TXNRD3: variants seen among roughly 807,000 people sequenced by gnomAD.
The protein encoded by TXNRD3 is thioredoxin reductase 3.
Under a neutral mutation model 78.2 loss-of-function variants are expected in TXNRD3, and 68 were observed. That is an observed-to-expected ratio of 0.87 (90% confidence interval 0.72 to 1.06). The LOEUF is 1.06. Ranked by LOEUF, TXNRD3 falls within the 50% of genes least tolerant of loss-of-function variation. The probability of loss-of-function intolerance (pLI) is 0.00; values close to 1 mark genes in which losing one functional copy is unlikely to be tolerated. For synonymous variants in TXNRD3, 296 were observed against 300.1 expected, an observed-to-expected ratio of 0.99 and a Z score of 0.14; for missense variants, 751 against 809.5, an observed-to-expected ratio of 0.93 and a Z score of 0.88.
At position 126,607,847 on chromosome 3, in the gene TXNRD3, G is replaced by T; in HGVS notation, c.*58C>A. The T allele has an allele frequency of 7.2e-7, 1 of 1,383,992 alleles. No homozygotes were observed. Among genetic ancestry groups the T allele is most frequent in the Non-Finnish European group, 9.8e-7 (1 of 1,022,118 alleles). The allele number at this position is 1,383,992 out of a possible 1,614,324, so 85.7% of individuals were successfully genotyped here. A position where few individuals can be genotyped will look rare whatever the true frequency, so the allele number is the denominator to read the frequency against. On this transcript the variant is annotated 3_prime_UTR_variant, in exon 16 of 16. Coordinates refer to ENST00000524230, the MANE Select transcript of TXNRD3 (RefSeq NM_052883.3). ...GAGCACAGGCTCATTTTATCCGAGA[G>T]CATTCTTATCTTTGAGAGAAATGAG... is the stretch of plus-strand genomic sequence containing the variant.
chr3:126,630,568 A>T (rs1938684850), intron 9 of TXNRD3, 144 bp downstream of exon 9: 1 of 845,332 alleles, frequency 1.2e-6, no homozygotes, highest in African/African-American at 1.7e-5. Flanking sequence ...CGAGGGGGAA[A>T]ATGGGGTTGG....
In TXNRD3 at chr3:126,629,411, C is replaced by T; in HGVS notation, c.1258G>A (p.Gly420Arg). The change falls in exon 10 of 16, where the codon GGA (glycine) becomes AGA (arginine). Residue 420 changes from glycine (G) to arginine (R), a missense_variant. Physicochemically the swap from Gly to Arg is moderately radical, Grantham distance 125. Coordinates refer to ENST00000524230, the MANE Select transcript of TXNRD3 (RefSeq NM_052883.3). ...TAGACTCCTTCAATTGTTTCTGTTC[C>T]TTCAGTGGATTTAGCCAACACTTTC... 6.5e-7 allele frequency: 1 copy of T among 1,535,480 alleles called. No individual in the cohort carries two copies. The highest frequency in any genetic ancestry group is 8.7e-7 in the Non-Finnish European group (1 of 1,146,528).
At chr3:126,614,507 C>A (rs988337234) in intron 13 of TXNRD3, among the ~76,000 whole-genome samples, 5 of 151,890 alleles carry the variant, frequency 3.3e-5, no homozygotes, top group Admixed American at 3.3e-4. Context: ...CCAACCAATG[C>A]AAAAAGGATA....
chr3:126,632,406 T>G (rs1035150357), intron 7 of TXNRD3, among the ~76,000 whole-genome samples: 6 of 151,942 alleles, frequency 3.9e-5, no homozygotes, highest in Admixed American at 6.6e-5. Context: ...TTAAAAAAAT[T>G]CAAATACTTT....
chr3:126,608,826 C>T (rs1345487928), intron 14 of TXNRD3, among the ~76,000 whole-genome samples, 193 bp from the exon 15 acceptor site: 1 of 152,186 alleles, frequency 6.6e-6, no homozygotes. Flanking sequence ...AGTAAATGCA[C>T]ATCCAGAGTT....
intron 1 of TXNRD3, among the ~76,000 whole-genome samples, chr3:126,649,208 A>G (rs943052395): frequency 1.3e-5 from 2 of 152,276 alleles, no homozygotes; most frequent in African/African-American, 2.4e-5. Flanking sequence ...TCTTCAAATA[A>G]GAGATATAAA....
Position 126,608,650 on chromosome 3 carries a change from A to G in TXNRD3, c.1729-17T>C, listed in dbSNP as rs1413744002. ...CACCCGATCCTTTAATACAGAAACAAAACAAAGAGAATCCCAGTAGGTTAA... is the reference window on the plus strand; with the variant it reads ...CACCCGATCCTTTAATACAGAAACAGAACAAAGAGAATCCCAGTAGGTTAA... On this transcript the variant is annotated splice_polypyrimidine_tract_variant and intron_variant, in intron 14 of 15. Transcript: ENST00000524230. 3.9e-6 allele frequency: 6 copies of G among 1,530,110 alleles called. No homozygotes were observed. The highest frequency in any genetic ancestry group is 5.2e-6 in the Non-Finnish European group (6 of 1,144,460). 94.8% of individuals were successfully genotyped at this position (1,530,110 alleles called of 1,614,324 possible).
At chr3:126,613,130 C>T (rs1938235826) in intron 13 of TXNRD3, among the ~76,000 whole-genome samples, 1 of 152,214 alleles carries the variant, frequency 6.6e-6, no homozygotes, top group Admixed American at 6.5e-5. Flanking sequence ...CTGTGGAAAA[C>T]AGTGATCTCT....
At chr3:126,607,999 C>T in intron 15 of TXNRD3, 26 bp from the exon 16 acceptor site, 1 of 1,446,114 alleles carries the variant, frequency 6.9e-7, no homozygotes, top group South Asian at 1.3e-5. Flanking sequence ...AAAACAAATA[C>T]ATATTTAGAT....
At position 126,649,295 on chromosome 3, in the gene TXNRD3, A is replaced by C. The variant is rs1465430167; in HGVS notation, c.244-1999T>G. Among the ~76,000 whole-genome samples, 22 of 152,250 alleles carry C rather than the reference A, an allele frequency of 1.4e-4. 1 individual carries two copies. The highest frequency in any genetic ancestry group is 1.4e-3 in the Admixed American group (22 of 15,292). On this transcript the variant is annotated intron_variant, in intron 1 of 15. Coordinates refer to ENST00000524230, the MANE Select transcript of TXNRD3 (RefSeq NM_052883.3). ...AAACGTGAATCAAAACCACAATAAT[A>C]CTTCACATCCATTAGGATAAGCATT...
intron 1 of TXNRD3, among the ~76,000 whole-genome samples, chr3:126,650,371 G>A (rs539872573): frequency 6.7e-6 from 1 of 149,294 alleles, no homozygotes; most frequent in South Asian, 2.2e-4. Flanking sequence ...GGCCAGGCAC[G>A]GTGGCTCACA....
At chr3:126,612,513 T>C (rs1044886420) in intron 13 of TXNRD3, among the ~76,000 whole-genome samples, 19 of 152,126 alleles carry the variant, frequency 1.2e-4, no homozygotes, top group African/African-American at 4.6e-4. Context: ...TGAGACAGAG[T>C]CTCACTCCAG....
chr3:126,609,198 T>C, intron 14 of TXNRD3: 1 of 424,460 alleles, frequency 2.4e-6, no homozygotes. Context: ...TTCTAGGCTG[T>C]CCATTTGTCA....
In TXNRD3 at chr3:126,655,056, C is replaced by A; in HGVS notation, c.-66G>T. On this transcript the variant is annotated 5_prime_UTR_variant, in exon 1 of 16. Coordinates refer to ENST00000524230, the MANE Select transcript of TXNRD3 (RefSeq NM_052883.3). ...AACCGAAACGCAGGCGGCTGCGGCGCCGGGACGGGGCCTGAGGGGCGGCGA... is the reference window on the plus strand; with the variant it reads ...AACCGAAACGCAGGCGGCTGCGGCGACGGGACGGGGCCTGAGGGGCGGCGA... The A allele has an allele frequency of 2.3e-6, 3 of 1,291,712 alleles. No individual in the cohort carries two copies. Among genetic ancestry groups the A allele is most frequent in the Admixed American group, 4.2e-5 (1 of 23,708 alleles). 80.0% of individuals were successfully genotyped at this position (1,291,712 alleles called of 1,614,324 possible).
intron 12 of TXNRD3, among the ~76,000 whole-genome samples, chr3:126,615,761 C>T (rs1201359788): frequency 6.6e-6 from 1 of 152,170 alleles, no homozygotes; most frequent in Non-Finnish European, 1.5e-5. Context: ...ATCCATCTGC[C>T]CCTAAAGACA....
chr3:126,636,546 G>A (rs1938866305), intron 6 of TXNRD3, among the ~76,000 whole-genome samples: 1 of 152,170 alleles, frequency 6.6e-6, no homozygotes, highest in Non-Finnish European at 1.5e-5. Context: ...TGCCCTCAGA[G>A]CTGAAATCCT....
intron 10 of TXNRD3, among the ~76,000 whole-genome samples, chr3:126,625,552 C>G (rs540230735): frequency 1.3e-5 from 2 of 151,996 alleles, no homozygotes; most frequent in African/African-American, 4.8e-5. Context: ...TCCAGTCTAT[C>G]ATTGTTGGAC....
chr3:126,643,823 G>C (rs947643105), intron 5 of TXNRD3, among the ~76,000 whole-genome samples, 158 bp downstream of exon 5: 1 of 152,064 alleles, frequency 6.6e-6, no homozygotes, highest in Admixed American at 6.5e-5. Flanking sequence ...TGGGATTTCA[G>C]GCATGAGCCT....
At chr3:126,623,852 C>CAAAAAA (rs4021853) in intron 10 of TXNRD3, among the ~76,000 whole-genome samples, 33 of 112,056 alleles carry the variant, frequency 2.9e-4, no homozygotes, top group African/African-American at 3.9e-4. Flanking sequence ...GAAACAAGGC[C>CAAAAAA]AAAAAAAAAA....
Sources: gnomAD v4.1 joint callset for allele counts (sites outside exome capture counted in the v4.1 genomes callset) on GRCh38, gnomAD v4.1.1 for gene constraint, MANE v1.5 for transcripts, NCBI Gene and HGNC (gene_info 2026-07-23, HGNC 2026-07-21) for gene names.